TPTE2: variants seen among roughly 807,000 people sequenced by gnomAD.
The protein encoded by TPTE2 is transmembrane phosphoinositide 3-phosphatase and tensin homolog 2.
A neutral mutation model predicts 78.6 loss-of-function variants in TPTE2; 53 were observed. That is an observed-to-expected ratio of 0.67 (90% confidence interval 0.54 to 0.85). The LOEUF is 0.85. Among genes scored for constraint, TPTE2 ranks in the 40% least tolerant of loss-of-function variants. The pLI is 0.00. For missense variants in TPTE2, 461 were observed against 623.0 expected, an observed-to-expected ratio of 0.74 and a Z score of 2.77; for synonymous variants, 175 against 206.2, an observed-to-expected ratio of 0.85 and a Z score of 1.30.
chr13:19,425,139 A>T (rs200135809), intron 18 of TPTE2, 122 bp from the exon 22 acceptor site: 2 of 522,144 alleles, frequency 3.8e-6, no homozygotes, highest in African/African-American at 2.0e-5. Context: ...TTAAATAGGT[A>T]GCACTCTGCA....
chr13:19,542,754 G>C, the TPTE2 span, among the ~76,000 whole-genome samples: 1 of 152,138 alleles, frequency 6.6e-6, no homozygotes, highest in Non-Finnish European at 1.5e-5. Context: ...CAACACTTTG[G>C]GGGTCTGAGC....
intron 1 of TPTE2, among the ~76,000 whole-genome samples, chr13:19,532,568 C>T (rs1870953008): frequency 1.3e-5 from 2 of 152,200 alleles, no homozygotes; most frequent in African/African-American, 2.4e-5. Context: ...AATTCTTGTT[C>T]TTTATACATT....
chr13:19,427,472 C>G (rs1479717462), intron 17 of TPTE2, among the ~76,000 whole-genome samples: 5 of 152,074 alleles, frequency 3.3e-5, no homozygotes, highest in African/African-American at 1.2e-4. Flanking sequence ...TTTAATGTGT[C>G]TCATTTGATT....
At chr13:19,508,469 G>A (rs916792186) in intron 1 of TPTE2, among the ~76,000 whole-genome samples, 62 of 152,042 alleles carry the variant, frequency 4.1e-4, no homozygotes, top group African/African-American at 1.4e-3. Context: ...ATGAGAATGG[G>A]AGTTGTAAGA....
intron 4 of TPTE2, among the ~76,000 whole-genome samples, chr13:19,477,870 C>T (rs1880070093): frequency 6.6e-6 from 1 of 152,130 alleles, no homozygotes. Context: ...AATCCATATC[C>T]AGGAAAAGTA....
intron 13 of TPTE2, among the ~76,000 whole-genome samples, chr13:19,449,002 G>GAACA (rs1335037248): frequency 1.3e-5 from 2 of 152,116 alleles, no homozygotes; most frequent in Non-Finnish European, 2.9e-5. Flanking sequence ...TGAACCTGGA[G>GAACA]AACATTATGC....
At chr13:19,434,362 G>T (rs147681612) in intron 15 of TPTE2, among the ~76,000 whole-genome samples, 1 of 152,172 alleles carries the variant, frequency 6.6e-6, no homozygotes, top group East Asian at 1.9e-4. Context: ...GGGAAAGAGC[G>T]CACAGTCTAA....
chr13:19,469,474 T>G (rs928698472), intron 6 of TPTE2, among the ~76,000 whole-genome samples: 6 of 152,210 alleles, frequency 3.9e-5, no homozygotes, highest in African/African-American at 1.4e-4. Context: ...TCCAGCTTTG[T>G]TCTTTTTGCT....
chr13:19,452,996 T>TTTTA (rs1878283351), intron 10 of TPTE2, among the ~76,000 whole-genome samples: 1 of 5,772 alleles, frequency 1.7e-4, no homozygotes, highest in Admixed American at 3.4e-3. Flanking sequence ...ATTTATTTTA[T>TTTTA]TTTATTTTAT....
intron 13 of TPTE2, among the ~76,000 whole-genome samples, chr13:19,444,301 T>G (rs1268902776): frequency 1.3e-5 from 1 of 78,452 alleles, no homozygotes; most frequent in Non-Finnish European, 2.2e-5. Flanking sequence ...AATGAGACTC[T>G]GCCACAAAAA....
upstream of TPTE2, among the ~76,000 whole-genome samples, chr13:19,537,660 T>C (rs1361677329): frequency 1.3e-5 from 2 of 151,836 alleles, no homozygotes; most frequent in African/African-American, 4.8e-5. Flanking sequence ...TGGAGTGCAG[T>C]GGTACTGTGT....
chr13:19,439,841 A>G (rs1403479123), intron 13 of TPTE2, among the ~76,000 whole-genome samples: 1 of 151,940 alleles, frequency 6.6e-6, no homozygotes, highest in East Asian at 1.9e-4. Context: ...GACTGGACAA[A>G]GTAGAAAACA....
At chr13:19,475,763 C>T (rs1261046735) in intron 4 of TPTE2, 140 bp from the exon 8 acceptor site, 1 of 681,584 alleles carries the variant, frequency 1.5e-6, no homozygotes, top group South Asian at 2.2e-5. Flanking sequence ...TTACTAATAG[C>T]TAAAATTTTA....
Position 19,526,938 on chromosome 13 carries a change from C to G in TPTE2, c.-44+9658G>C, listed in dbSNP as rs573125191. Among the ~76,000 whole-genome samples, 436 of 152,180 alleles carry G rather than the reference C, an allele frequency of 2.9e-3. 1 individual carries two copies. The highest frequency in any genetic ancestry group is 4.3e-3 in the Non-Finnish European group (294 of 67,998). On this transcript the variant is annotated intron_variant, in intron 1 of 17. Transcript: ENST00000390680. ...TTTAGGATTTTACGTGAAATTATTA[C>G]TGCTGGAAAACCAACAGATTACATG...
At chr13:19,427,144 C>G (rs1161465550) in intron 17 of TPTE2, among the ~76,000 whole-genome samples, 1 of 120,720 alleles carries the variant, frequency 8.3e-6, no homozygotes, top group African/African-American at 3.4e-5. Flanking sequence ...AGTACAGTGG[C>G]ATGATCTCGG....
chr13:19,490,374 A>C (rs1316115121), intron 3 of TPTE2, among the ~76,000 whole-genome samples: 2 of 152,192 alleles, frequency 1.3e-5, no homozygotes, highest in African/African-American at 2.4e-5. Context: ...TAATCTAGTT[A>C]CCCTGAAAAA....
intron 1 of TPTE2, among the ~76,000 whole-genome samples, chr13:19,499,260 G>A (rs1033917599): frequency 3.3e-5 from 5 of 152,062 alleles, no homozygotes; most frequent in East Asian, 1.9e-4. Context: ...AGTCAACAAC[G>A]ATACCCAGGA....
chr13:19,423,213 A>G (rs756109462), intron 19 of TPTE2, 49 bp from the exon 23 acceptor site: 2 of 1,483,776 alleles, frequency 1.3e-6, no homozygotes, highest in Admixed American at 4.1e-5. Context: ...CTCACCAAAA[A>G]GCCACGCAGT....
At chr13:19,512,574 A>C (rs1421112629) in intron 1 of TPTE2, among the ~76,000 whole-genome samples, 1 of 102,160 alleles carries the variant, frequency 9.8e-6, no homozygotes, top group Non-Finnish European at 2.0e-5. Flanking sequence ...GATAATCTGC[A>C]CAGGAAACAT....
Sources: allele counts gnomAD v4.1 joint callset (sites outside exome capture counted in the v4.1 genomes callset), GRCh38; gene constraint gnomAD v4.1.1; transcripts MANE v1.5; gene names NCBI Gene and HGNC (gene_info 2026-07-23, HGNC 2026-07-21).